STARD13: variants seen among roughly 807,000 people sequenced by gnomAD.
The protein encoded by STARD13 is StAR related lipid transfer domain containing 13.
In STARD13, 62 loss-of-function variants were observed where a neutral mutation model predicts 106.4. The ratio of observed to expected loss-of-function variants is 0.58; its 90% CI spans 0.48 to 0.72. The LOEUF (loss-of-function observed/expected upper bound fraction) is 0.72. Ranked by LOEUF, STARD13 falls within the 30% of genes least tolerant of loss-of-function variation. STARD13 has a pLI of 0.00. For missense variants in STARD13, 1,387 were observed against 1,424.0 expected (o/e 0.97, Z 0.42); for synonymous variants, 565 against 553.0 (o/e 1.02, Z -0.31).
the STARD13 span, among the ~76,000 whole-genome samples, chr13:33,446,379 A>G: frequency 6.6e-6 from 1 of 152,140 alleles, no homozygotes; most frequent in South Asian, 2.1e-4. Context: ...AGAGACAGGG[A>G]TGATCACAAT....
At chr13:33,524,194 A>T in the STARD13 span, 1 of 1,186,958 alleles carries the variant, frequency 8.4e-7, no homozygotes, top group Non-Finnish European at 1.1e-6. Context: ...TGAACAGGGC[A>T]GGACACTCAC....
the STARD13 span, among the ~76,000 whole-genome samples, chr13:33,605,144 T>G: frequency 1.4e-5 from 2 of 144,818 alleles, no homozygotes; most frequent in Admixed American, 1.4e-4. Context: ...GAGCCTGAGG[T>G]GGAAGGATGG....
chr13:33,142,128 A>G (rs1411140042), intron 4 of STARD13, among the ~76,000 whole-genome samples, 182 bp downstream of exon 4: 1 of 152,170 alleles, frequency 6.6e-6, no homozygotes, highest in African/African-American at 2.4e-5. Context: ...TTCTGGGTTC[A>G]AGCAATGCCC....
intron 1 of STARD13, among the ~76,000 whole-genome samples, chr13:33,196,443 C>T (rs905966204): frequency 2.0e-5 from 3 of 152,046 alleles, no homozygotes; most frequent in African/African-American, 4.8e-5. Flanking sequence ...AATTGTTATG[C>T]CAGTATGCAA....
chr13:33,543,202 A>G, the STARD13 span, among the ~76,000 whole-genome samples: 1 of 152,214 alleles, frequency 6.6e-6, no homozygotes. Context: ...TGGTAGGAAG[A>G]TGACACGAGC....
intron 3 of STARD13, among the ~76,000 whole-genome samples, chr13:33,165,041 CT>C (rs1883161283): frequency 6.6e-6 from 1 of 152,070 alleles, no homozygotes; most frequent in Non-Finnish European, 1.5e-5. Flanking sequence ...CATTTATACT[CT>C]CTGAAATAAA....
At chr13:33,335,727 A>G (rs1334568258) in intron 1 of STARD13, among the ~76,000 whole-genome samples, 1 of 152,262 alleles carries the variant, frequency 6.6e-6, no homozygotes, top group East Asian at 1.9e-4. Context: ...TACATTCGCC[A>G]AGCCTCACAA....
In STARD13 at chr13:33,129,988, C is replaced by T. The variant is rs1180312922; in HGVS notation, c.689G>A (p.Ser230Asn). 6.2e-7 allele frequency: 1 copy of T among 1,613,026 alleles called. No homozygotes were observed. Among genetic ancestry groups the T allele is most frequent in the Non-Finnish European group, 8.5e-7 (1 of 1,179,724 alleles). Reference sequence around the variant, plus strand: ...ATCTCTGGGGGGCTGTGGGAGGCTGCTGCTGACGAGTGGGGCATCCAGCAT... The same window carrying T: ...ATCTCTGGGGGGCTGTGGGAGGCTGTTGCTGACGAGTGGGGCATCCAGCAT... ...PVMLDAPLVSSSLPQPPRDVL... is the reference protein window; with the variant it reads ...PVMLDAPLVSNSLPQPPRDVL... Residue 230 changes from serine (S) to asparagine (N), a missense_variant, in exon 5 of 14, where the codon AGC (serine) becomes AAC (asparagine). Transcript: ENST00000336934.
chr13:33,357,833 C>G, the STARD13 span, among the ~76,000 whole-genome samples: 7 of 152,198 alleles, frequency 4.6e-5, no homozygotes, highest in African/African-American at 1.7e-4. Context: ...CCTCAGAGCC[C>G]TCGCTTGCTC....
chr13:33,632,484 G>C, the STARD13 span, among the ~76,000 whole-genome samples: 1 of 152,074 alleles, frequency 6.6e-6, no homozygotes, highest in East Asian at 1.9e-4. Flanking sequence ...TGTCTATATT[G>C]TACCTACATG....
the STARD13 span, among the ~76,000 whole-genome samples, chr13:33,664,377 G>A: frequency 6.6e-6 from 1 of 152,142 alleles, no homozygotes; most frequent in African/African-American, 2.4e-5. Flanking sequence ...CGGCAGCAGG[G>A]GTTCCGCATC....
Position 33,142,379 on chromosome 13 carries a change from A to G in STARD13, c.324-6T>C, listed in dbSNP as rs1879952536. On this transcript the variant is annotated splice_polypyrimidine_tract_variant and splice_region_variant and intron_variant, in intron 3 of 13. Transcript: ENST00000336934. ...TGTTCAACGTATTTAGTCGTCTAAA[A>G]GGAAAGAAAAATGTGATGATTACTT... 6.2e-7 allele frequency: 1 copy of G among 1,612,354 alleles called. No homozygotes were observed.
intron 2 of STARD13, 73 bp from the exon 3 acceptor site, chr13:33,165,491 A>G: frequency 8.5e-7 from 1 of 1,179,742 alleles, no homozygotes; most frequent in Non-Finnish European, 1.3e-6. Context: ...CAGACCTTCA[A>G]GGTCTGTAAA....
the STARD13 span, among the ~76,000 whole-genome samples, chr13:33,475,691 G>T: frequency 1.3e-5 from 2 of 152,100 alleles, no homozygotes; most frequent in Admixed American, 1.3e-4. Context: ...AGGTGTGGTG[G>T]TCACGCCTGT....
the STARD13 span, among the ~76,000 whole-genome samples, chr13:33,424,953 G>A: frequency 6.6e-6 from 1 of 152,188 alleles, no homozygotes; most frequent in Non-Finnish European, 1.5e-5. Context: ...ACTTTAAAAA[G>A]TGAATTAAAA....
At chr13:33,581,384 G>A in the STARD13 span, among the ~76,000 whole-genome samples, 3 of 151,726 alleles carry the variant, frequency 2.0e-5, no homozygotes, top group Non-Finnish European at 2.9e-5. Flanking sequence ...GTTCCCAGTG[G>A]GCCCAAGATC....
the STARD13 span, among the ~76,000 whole-genome samples, chr13:33,415,179 T>C: frequency 1.3e-5 from 2 of 152,078 alleles, no homozygotes. Context: ...CCATCCTGGC[T>C]AACACGGTGA....
the STARD13 span, among the ~76,000 whole-genome samples, chr13:33,528,362 T>C: frequency 6.7e-6 from 1 of 149,776 alleles, no homozygotes; most frequent in East Asian, 1.9e-4. Flanking sequence ...CTCAAACTCC[T>C]GGGCTCAAGC....
intron 1 of STARD13, chr13:33,206,190 C>G (rs1378676859): frequency 5.6e-6 from 1 of 179,950 alleles, no homozygotes; most frequent in Non-Finnish European, 1.1e-5. Flanking sequence ...CTATCACAAA[C>G]CAAGGGGGGT....
Sources: gnomAD v4.1 joint callset for allele counts (sites outside exome capture counted in the v4.1 genomes callset) on GRCh38, gnomAD v4.1.1 for gene constraint, MANE v1.5 for transcripts, NCBI Gene and HGNC (gene_info 2026-07-23, HGNC 2026-07-21) for gene names.